STAU2: variants seen among roughly 807,000 people sequenced by gnomAD.
STAU2 encodes the protein double-stranded RNA-binding protein Staufen homolog 2.
Under a neutral mutation model 65.9 loss-of-function variants are expected in STAU2, and 20 were observed. That is an observed-to-expected ratio of 0.30 (90% CI 0.21 to 0.44). STAU2 has a LOEUF of 0.44. STAU2 is among the 20% of genes least tolerant of loss of function. The probability of loss-of-function intolerance (pLI) is 1.00; values close to 1 mark genes in which losing one functional copy is unlikely to be tolerated. For missense variants in STAU2, 558 were observed against 683.9 expected, an observed-to-expected ratio of 0.82 and a Z score of 2.05; for synonymous variants, 232 against 233.9, an observed-to-expected ratio of 0.99 and a Z score of 0.07.
intron 6 of STAU2, among the ~76,000 whole-genome samples, chr8:73,643,447 A>C (rs1815140928): frequency 6.6e-6 from 1 of 152,244 alleles, no homozygotes; most frequent in African/African-American, 2.4e-5. Context: ...GTGAATCTGC[A>C]TATCCTCTGA....
chr8:73,489,807 C>T (rs1821075621), intron 13 of STAU2, among the ~76,000 whole-genome samples: 1 of 151,982 alleles, frequency 6.6e-6, no homozygotes, highest in Non-Finnish European at 1.5e-5. Flanking sequence ...GTTTTATAGA[C>T]TCAGTTCTGC....
chr8:73,638,763 A>G (rs747198930), intron 6 of STAU2, among the ~76,000 whole-genome samples: 9 of 151,998 alleles, frequency 5.9e-5, no homozygotes, highest in Admixed American at 1.3e-4. Context: ...TGATTCCATA[A>G]GAAGATGCCA....
intron 13 of STAU2, among the ~76,000 whole-genome samples, chr8:73,468,355 G>A (rs775039373): frequency 1.3e-5 from 2 of 152,248 alleles, no homozygotes; most frequent in Non-Finnish European, 1.5e-5. Flanking sequence ...AAAAACCCTA[G>A]AAGAAAACCT....
intron 5 of STAU2, among the ~76,000 whole-genome samples, chr8:73,678,369 A>T (rs914722053): frequency 6.6e-6 from 1 of 150,650 alleles, no homozygotes; most frequent in African/African-American, 2.4e-5. Context: ...CATCTATAAA[A>T]TTTTTTTTTT....
intron 3 of STAU2, among the ~76,000 whole-genome samples, chr8:73,724,849 A>T (rs545133234): frequency 1.4e-4 from 21 of 152,128 alleles, no homozygotes; most frequent in African/African-American, 4.6e-4. Context: ...CACCACATCC[A>T]GCTAATTTTT....
In STAU2 at chr8:73,479,016, G is replaced by C. The variant is rs117913798; in HGVS notation, c.1531-56314C>G. On this transcript the variant is annotated intron_variant, in intron 13 of 14. Coordinates refer to ENST00000524300, the MANE Select transcript of STAU2 (RefSeq NM_001164380.2). Reference sequence around the variant, plus strand: ...CATAATGTAGAGAGAAAAGTATAATGAACCTCCATGAACCCATGCCCCAGA... The same window carrying C: ...CATAATGTAGAGAGAAAAGTATAATCAACCTCCATGAACCCATGCCCCAGA... Among the ~76,000 whole-genome samples, 804 of 152,112 alleles carry C rather than the reference G, an allele frequency of 5.3e-3. 6 individuals are homozygous for C. Among genetic ancestry groups the C allele is most frequent in the Middle Eastern group, 0.02 (6 of 294 alleles).
At chr8:73,638,392 GT>G (rs143699082) in intron 6 of STAU2, among the ~76,000 whole-genome samples, 41,822 of 151,174 alleles carry the variant, frequency 0.28, 6,248 homozygotes, top group East Asian at 0.46. Flanking sequence ...AACAGTGACT[GT>G]GTATTGCTTA....
Position 73,552,254 on chromosome 8 carries a change from C to T in STAU2, c.1288G>A (p.Val430Ile), listed in dbSNP as rs1403250063. Residue 430 changes from valine to isoleucine, a missense_variant, in exon 13 of 15, where the codon GTA becomes ATA. Physicochemically the swap from Val to Ile is conservative, Grantham distance 29. Coordinates refer to ENST00000524300, the MANE Select transcript of STAU2 (RefSeq NM_001164380.2). ...TAGCCTAGAGTAGTGCCAGAGATTA[C>T]TTTGTGGCGGCTGGCTTCCATCTCT... ...YQEMEASRHKVISGTTLGYLS... is the reference protein window; with the variant it reads ...YQEMEASRHKIISGTTLGYLS... 1.2e-6 allele frequency: 2 copies of T among 1,613,738 alleles called. No individual in the cohort carries two copies. Among genetic ancestry groups the T allele is most frequent in the Admixed American group, 3.3e-5 (2 of 59,994 alleles).
Position 73,615,744 on chromosome 8 carries a change from A to AT in STAU2, c.608dup (p.Asp203GlufsTer4). Reference sequence around the variant, plus strand: ...CTAAGCTGATCTCAGACTTATTTGCATCTTTGTCATCATCCACATCCTTTC... The same window carrying AT: ...CTAAGCTGATCTCAGACTTATTTGCATTCTTTGTCATCATCCACATCCTTTC... On this transcript the variant is annotated frameshift_variant, in exon 8 of 15. Transcript: ENST00000524300. LOFTEE classifies it high-confidence loss of function. The AT allele has an allele frequency of 6.2e-7, 1 of 1,613,702 alleles. No individual in the cohort carries two copies.
chr8:73,719,587 T>C (rs1055009818), intron 3 of STAU2, among the ~76,000 whole-genome samples: 1 of 152,228 alleles, frequency 6.6e-6, no homozygotes. Context: ...TGATTTTTGC[T>C]TTTTAGTTCA....
intron 13 of STAU2, among the ~76,000 whole-genome samples, chr8:73,541,421 TG>T (rs1294108988): frequency 1.1e-4 from 17 of 152,266 alleles, no homozygotes; most frequent in Admixed American, 8.5e-4. Context: ...AGATAAAGCT[TG>T]CAGTTTTAGC....
intron 6 of STAU2, among the ~76,000 whole-genome samples, chr8:73,618,855 A>C (rs1369190530): frequency 6.6e-6 from 1 of 152,200 alleles, no homozygotes; most frequent in Admixed American, 6.5e-5. Flanking sequence ...CTGGCTATGG[A>C]ATATGAGAGG....
chr8:73,425,788 GT>G (rs1422146392), intron 13 of STAU2, among the ~76,000 whole-genome samples: 1 of 151,688 alleles, frequency 6.6e-6, no homozygotes, highest in Non-Finnish European at 1.5e-5. Flanking sequence ...CATATCACTT[GT>G]TTTTTTTCTC....
chr8:73,607,406 T>C (rs908269877), intron 9 of STAU2, among the ~76,000 whole-genome samples: 1 of 152,160 alleles, frequency 6.6e-6, no homozygotes, highest in African/African-American at 2.4e-5. Context: ...CAAGTTTATA[T>C]ATAGCTTTTT....
intron 6 of STAU2, among the ~76,000 whole-genome samples, chr8:73,670,848 G>C (rs1287779726): frequency 6.6e-6 from 1 of 152,010 alleles, no homozygotes; most frequent in Non-Finnish European, 1.5e-5. Context: ...AGGCATAAAA[G>C]AAGTGAGAGA....
intron 13 of STAU2, among the ~76,000 whole-genome samples, chr8:73,489,631 A>G (rs1166093151): frequency 1.3e-5 from 2 of 152,086 alleles, no homozygotes; most frequent in Admixed American, 6.6e-5. Flanking sequence ...AATTGTCTAC[A>G]TGTAATATTA....
chr8:73,488,337 T>G (rs1326654433), intron 13 of STAU2, among the ~76,000 whole-genome samples: 3 of 152,026 alleles, frequency 2.0e-5, no homozygotes, highest in African/African-American at 7.2e-5. Context: ...GGTTCAAGTT[T>G]TCTATTTAGA....
At chr8:73,515,773 C>CTT (rs75132374) in intron 13 of STAU2, among the ~76,000 whole-genome samples, 4,003 of 90,878 alleles carry the variant, frequency 0.044, 476 homozygotes, top group African/African-American at 0.079. Context: ...AAAAATTTCT[C>CTT]TTTTTTTTTT....
intron 6 of STAU2, among the ~76,000 whole-genome samples, chr8:73,632,135 G>T (rs977485909): frequency 1.3e-5 from 2 of 151,976 alleles, no homozygotes; most frequent in African/African-American, 4.8e-5. Context: ...GTATTATATT[G>T]CATTAGAAAT....
Sources: gnomAD v4.1 joint callset for allele counts (sites outside exome capture counted in the v4.1 genomes callset) on GRCh38, gnomAD v4.1.1 for gene constraint, MANE v1.5 for transcripts, NCBI Gene and HGNC (gene_info 2026-07-23, HGNC 2026-07-21) for gene names.